BCL2: variants seen among roughly 807,000 people sequenced by gnomAD.
The protein encoded by BCL2 is apoptosis regulator Bcl-2.
Under a neutral mutation model 14.2 loss-of-function variants are expected in BCL2, and 1 was observed. The ratio of observed to expected loss-of-function variants is 0.07; its 90% CI spans 0.02 to 0.33. The LOEUF (loss-of-function observed/expected upper bound fraction) is 0.33, where lower values mean the gene tolerates loss of function less well. BCL2 is among the 10% of genes least tolerant of loss of function. The pLI, the probability that BCL2 is intolerant of heterozygous loss-of-function variation, is 0.99. For synonymous variants in BCL2, 151 were observed against 137.2 expected, an observed-to-expected ratio of 1.10 and a Z score of -0.70; for missense variants, 247 against 305.9, an observed-to-expected ratio of 0.81 and a Z score of 1.44.
chr18:63,156,230 C>T lies in BCL2; in HGVS notation c.586-27471G>A, dbSNP rs545087117. Among the ~76,000 whole-genome samples the T allele has an allele frequency of 1.6e-4, 24 of 152,234 alleles. No individual in the cohort carries two copies. The South Asian group carries it at 5.0e-3, about 32-fold the overall frequency. ...AAGGGAGTGGCAGCCCATTGTCCCT[C>T]AGGAAAATAAACTGCAAATAACTTT... On this transcript the variant is annotated intron_variant, in intron 2 of 2. Coordinates refer to ENST00000333681, the MANE Select transcript of BCL2 (RefSeq NM_000633.3).
chr18:63,317,406 C>T (rs1189693653), intron 2 of BCL2: 7 of 357,884 alleles, frequency 2.0e-5, no homozygotes, highest in Non-Finnish European at 2.7e-5. Flanking sequence ...CCTGATACTC[C>T]TCAGGACACC....
At chr18:63,190,608 C>T (rs1909265337) in intron 2 of BCL2, among the ~76,000 whole-genome samples, 2 of 152,238 alleles carry the variant, frequency 1.3e-5, no homozygotes, top group African/African-American at 2.4e-5. Context: ...ATTCTCCCTT[C>T]CTGAGGGTCA....
At chr18:63,198,527 G>T (rs1468411028) in intron 2 of BCL2, among the ~76,000 whole-genome samples, 3 of 121,088 alleles carry the variant, frequency 2.5e-5, no homozygotes, top group African/African-American at 3.4e-5. Context: ...CATAGACACA[G>T]ACACACATTG....
At chr18:63,198,914 GAC>G (rs371476748) in intron 2 of BCL2, among the ~76,000 whole-genome samples, 7 of 108,498 alleles carry the variant, frequency 6.5e-5, no homozygotes, top group Non-Finnish European at 1.1e-4. Context: ...GACATATACA[GAC>G]ACACACAGAC....
intron 2 of BCL2, among the ~76,000 whole-genome samples, chr18:63,223,247 A>C (rs999487479): frequency 1.3e-5 from 2 of 152,000 alleles, no homozygotes; most frequent in Non-Finnish European, 2.9e-5. Flanking sequence ...AAAAATAGAA[A>C]AAGTTAGCCG....
At chr18:63,220,632 T>C (rs547137363) in intron 2 of BCL2, among the ~76,000 whole-genome samples, 8 of 152,262 alleles carry the variant, frequency 5.3e-5, no homozygotes, top group African/African-American at 1.9e-4. Context: ...CTTACAATCT[T>C]GGGGAGATGA....
At chr18:63,133,718 G>A (rs536875054) in intron 2 of BCL2, among the ~76,000 whole-genome samples, 1 of 152,148 alleles carries the variant, frequency 6.6e-6, no homozygotes, top group African/African-American at 2.4e-5. Flanking sequence ...ATGGGCGGGG[G>A]TCCCAAAATA....
At chr18:63,188,737 A>G (rs1313984488) in intron 2 of BCL2, among the ~76,000 whole-genome samples, 2 of 152,108 alleles carry the variant, frequency 1.3e-5, no homozygotes, top group Non-Finnish European at 2.9e-5. Context: ...CTTAAATTAT[A>G]TATTAGCTGA....
intron 2 of BCL2, among the ~76,000 whole-genome samples, chr18:63,295,477 A>G (rs2850763): frequency 0.43 from 64,990 of 151,970 alleles, 15,991 homozygotes; most frequent in Non-Finnish European, 0.55. Context: ...TTATTAATAC[A>G]ATTCTTGCTG....
intron 2 of BCL2, among the ~76,000 whole-genome samples, chr18:63,170,600 A>T (rs987533933): frequency 1.3e-5 from 2 of 152,220 alleles, no homozygotes; most frequent in Non-Finnish European, 2.9e-5. Flanking sequence ...TCGGTATATG[A>T]CCAGTAAATT....
intron 2 of BCL2, among the ~76,000 whole-genome samples, chr18:63,259,286 C>T (rs569264064): frequency 6.7e-4 from 102 of 152,240 alleles, no homozygotes; most frequent in Non-Finnish European, 1.2e-3. Context: ...AGAAAGAAAG[C>T]GGGCAGCGTG....
chr18:63,318,162 G>T lies in BCL2; in HGVS notation c.505C>A (p.Leu169Met). 6.2e-7 allele frequency: 1 copy of T among 1,614,154 alleles called. No homozygotes were observed. Among genetic ancestry groups the T allele is most frequent in the African/African-American group, 1.3e-5 (1 of 75,024 alleles). The change falls in exon 2 of 3, where the codon CTG (leucine) becomes ATG (methionine). Residue 169 changes from leucine to methionine, a missense_variant. Physicochemically the swap from Leu to Met is conservative, Grantham distance 15. This residue lies in a region of BCL2 where 67 missense variants were observed against 145.7 expected (regional missense o/e 0.46). Transcript: ENST00000333681. This position sits in a 1 kb window ranked among gnomAD's most constrained non-coding sequence, Gnocchi z 7.4. ...ATCCACAGGGCGATGTTGTCCACCA[G>T]GGGCGACATCTCCCGGTTGACGCTC... ...VESVNREMSP[L>M]VDNIALWMTE...
chr18:63,237,538 T>C (rs1299841518), intron 2 of BCL2, among the ~76,000 whole-genome samples: 1 of 152,352 alleles, frequency 6.6e-6, no homozygotes. Context: ...TTGCTTTCTC[T>C]TACCCTTAGC....
chr18:63,289,865 G>A (rs911799860), intron 2 of BCL2, among the ~76,000 whole-genome samples: 1 of 152,184 alleles, frequency 6.6e-6, no homozygotes, highest in African/African-American at 2.4e-5. Flanking sequence ...CTGTACTCCA[G>A]CTGGGTGACA....
intron 2 of BCL2, among the ~76,000 whole-genome samples, chr18:63,214,642 AT>A (rs1341013846): frequency 6.6e-6 from 1 of 151,962 alleles, no homozygotes; most frequent in Non-Finnish European, 1.5e-5. Context: ...AAAAAAAAAA[AT>A]CATGCTAAAA....
At chr18:63,293,586 G>A (rs1912714220) in intron 2 of BCL2, among the ~76,000 whole-genome samples, 1 of 152,226 alleles carries the variant, frequency 6.6e-6, no homozygotes, top group African/African-American at 2.4e-5. Context: ...AGGCTCTGAG[G>A]AGGCAGCTTT....
Position 63,249,768 on chromosome 18 carries a change from AC to A in BCL2, c.585+68313del, listed in dbSNP as rs761151316. Among the ~76,000 whole-genome samples the A allele has an allele frequency of 9.5e-4, 142 of 148,974 alleles. 1 individual carries two copies. Among genetic ancestry groups the A allele is most frequent in the Admixed American group, 2.3e-3 (34 of 14,858 alleles). On this transcript the variant is annotated intron_variant, in intron 2 of 2. Coordinates refer to ENST00000333681, the MANE Select transcript of BCL2 (RefSeq NM_000633.3). ...GAATTTAACAGAGGAGTTAACCAAG[AC>A]CCCCAGGGTGAAGGGACATGCCTAA...
In BCL2 at chr18:63,244,149, G is replaced by C. The variant is rs542263896; in HGVS notation, c.585+73933C>G. Among the ~76,000 whole-genome samples the C allele has an allele frequency of 2.0e-5, 3 of 152,312 alleles. No individual in the cohort carries two copies. The South Asian group carries it at 6.2e-4, about 32-fold the overall frequency. On this transcript the variant is annotated intron_variant, in intron 2 of 2. Transcript: ENST00000333681. Reference sequence around the variant, plus strand: ...AATCCCAGCATTTTGCGAGGCCGAGGTGGGTAGATTGTGAGGTCAGGAATT... The same window carrying C: ...AATCCCAGCATTTTGCGAGGCCGAGCTGGGTAGATTGTGAGGTCAGGAATT...
intron 2 of BCL2, among the ~76,000 whole-genome samples, chr18:63,240,065 C>G (rs1283517492): frequency 1.3e-5 from 2 of 152,204 alleles, no homozygotes; most frequent in African/African-American, 4.8e-5. Flanking sequence ...ACTTGGCTCA[C>G]TACAATCTCT....
Sources: gnomAD v4.1 joint callset for allele counts (sites outside exome capture counted in the v4.1 genomes callset) on GRCh38, gnomAD v4.1.1 for gene constraint, gnomAD v4.1.1 regional missense constraint, Gnocchi (gnomAD v3.1) non-coding constraint, MANE v1.5 for transcripts, NCBI Gene and HGNC (gene_info 2026-07-23, HGNC 2026-07-21) for gene names.